The following STYXL1 variants were observed in gnomAD, a reference collection of about 807,000 sequenced individuals.
STYXL1 encodes the protein serine/threonine/tyrosine-interacting-like protein 1.
In STYXL1, 32 loss-of-function variants were observed where a neutral mutation model predicts 36.4. The ratio of observed to expected loss-of-function variants is 0.88; its 90% CI spans 0.66 to 1.18. The LOEUF (loss-of-function observed/expected upper bound fraction) is 1.18. Among genes scored for constraint, STYXL1 ranks in the 50% most tolerant of loss-of-function variants. The pLI is 0.00. For missense variants in STYXL1, 354 were observed against 394.1 expected (o/e 0.90, Z 0.86); for synonymous variants, 133 against 144.1 (o/e 0.92, Z 0.55).
At chr7:76,021,371 G>A (rs534820734) in intron 4 of STYXL1, among the ~76,000 whole-genome samples, 9 of 152,184 alleles carry the variant, frequency 5.9e-5, no homozygotes, top group South Asian at 2.1e-4. Flanking sequence ...ATGAGCCACC[G>A]CGCCCGGCCA....
At chr7:76,036,604 T>TTTGA (rs1585328866) in intron 1 of STYXL1, among the ~76,000 whole-genome samples, 2 of 149,194 alleles carry the variant, frequency 1.3e-5, no homozygotes, top group African/African-American at 4.9e-5. Context: ...CACTTTCAAT[T>TTTGA]TTGATTAAAT....
In STYXL1 at chr7:76,029,637, A is replaced by G. The variant is rs1361594613; in HGVS notation, c.103+784T>C. Among the ~76,000 whole-genome samples the G allele has an allele frequency of 2.0e-5, 3 of 152,264 alleles. No homozygotes were observed. The East Asian group carries it at 5.8e-4, about 29-fold the overall frequency. ...TTGTAATATATAATGAAATAATTCT[A>G]CCATCATGTAGAATCAGTGGAAACC... On this transcript the variant is annotated intron_variant, in intron 2 of 8. Transcript: ENST00000359697.
At position 76,036,597 on chromosome 7, in the gene STYXL1, T is replaced by G. The variant is rs187844987; in HGVS notation, c.-4-6070A>C. Among the ~76,000 whole-genome samples the G allele has an allele frequency of 1.2e-3, 176 of 149,726 alleles. 7 individuals are homozygous for G. Among genetic ancestry groups the G allele is most frequent in the African/African-American group, 4.1e-3 (170 of 41,068 alleles). Reference sequence around the variant, plus strand: ...ATTAGCCAGTTTCAATTTTTTTCACTTTCAATTTTGATTAAATTTATTTAT... The same window carrying G: ...ATTAGCCAGTTTCAATTTTTTTCACGTTCAATTTTGATTAAATTTATTTAT... On this transcript the variant is annotated intron_variant, in intron 1 of 8. Coordinates refer to ENST00000359697, the MANE Select transcript of STYXL1 (RefSeq NM_001317785.2).
At chr7:76,040,594 TTTGGGA>T (rs1796383858) in intron 1 of STYXL1, among the ~76,000 whole-genome samples, 1 of 152,166 alleles carries the variant, frequency 6.6e-6, no homozygotes, top group African/African-American at 2.4e-5. Flanking sequence ...ATCCCAGCGC[TTTGGGA>T]GACCGAGGCA....
chr7:76,034,174 C>T (rs1243095508), intron 1 of STYXL1, among the ~76,000 whole-genome samples: 1 of 152,190 alleles, frequency 6.6e-6, no homozygotes, highest in Non-Finnish European at 1.5e-5. Context: ...ACTATCATAG[C>T]TTGCTGCAGC....
In STYXL1 at chr7:76,013,735, G is replaced by A. The variant is rs782079568; in HGVS notation, c.453+7C>T. 3.1e-6 allele frequency: 5 copies of A among 1,613,776 alleles called. No individual in the cohort carries two copies. The South Asian group carries it at 5.5e-5, about 18-fold the overall frequency. On this transcript the variant is annotated splice_region_variant and intron_variant, in intron 5 of 8. Transcript: ENST00000359697. Reference sequence around the variant, plus strand: ...TGGGCCTGCCTGTGCTCAGCATTTGGCCCTACCTGAGGCATCCAGATGATC... The same window carrying A: ...TGGGCCTGCCTGTGCTCAGCATTTGACCCTACCTGAGGCATCCAGATGATC...
intron 8 of STYXL1, among the ~76,000 whole-genome samples, chr7:75,999,551 G>GTGTGTGTATA (rs1421403301): frequency 1.9e-4 from 15 of 80,130 alleles, no homozygotes; most frequent in South Asian, 4.0e-4. Flanking sequence ...GTGTGTGTGT[G>GTGTGTGTATA]TATATTTTTT....
Position 76,013,418 on chromosome 7 carries a change from T to G in STYXL1, c.453+324A>C, listed in dbSNP as rs560150597. 6.6e-5 allele frequency among the ~76,000 whole-genome samples: 10 copies of G among 151,334 alleles called. No homozygotes were observed. The East Asian group carries it at 1.6e-3, about 24-fold the overall frequency. On this transcript the variant is annotated intron_variant, in intron 5 of 8. Transcript: ENST00000359697. ...AGGAGTCCAGATCTAGTTTTTTTTTTGTTTGTTTTTGTTTTTGTTTTTGTT... is the reference window on the plus strand; with the variant it reads ...AGGAGTCCAGATCTAGTTTTTTTTTGGTTTGTTTTTGTTTTTGTTTTTGTT...
chr7:76,014,354 T>G (rs1191452619), intron 4 of STYXL1, among the ~76,000 whole-genome samples: 1 of 150,126 alleles, frequency 6.7e-6, no homozygotes, highest in East Asian at 2.0e-4. Context: ...TACCACCGGG[T>G]TTTTTTTGTT....
chr7:76,019,298 T>A (rs1276974979), intron 4 of STYXL1, among the ~76,000 whole-genome samples: 46 of 148,910 alleles, frequency 3.1e-4, no homozygotes, highest in East Asian at 3.9e-4. Context: ...TTTTTTTTTT[T>A]AAATACGTTT....
intron 2 of STYXL1, among the ~76,000 whole-genome samples, chr7:76,028,988 G>T (rs942782000): frequency 9.9e-5 from 15 of 151,976 alleles, no homozygotes; most frequent in Non-Finnish European, 1.6e-4. Flanking sequence ...GCCGGGCGTG[G>T]TGGCAGCGCC....
At chr7:76,030,259 C>T (rs1015529547) in intron 2 of STYXL1, among the ~76,000 whole-genome samples, 162 bp downstream of exon 2, 1 of 152,110 alleles carries the variant, frequency 6.6e-6, no homozygotes, top group South Asian at 2.1e-4. Flanking sequence ...TTGGCCTTCC[C>T]AAGTGCTGGG....
At chr7:76,012,636 C>G (rs1792692399) in intron 5 of STYXL1, among the ~76,000 whole-genome samples, 2 of 152,218 alleles carry the variant, frequency 1.3e-5, no homozygotes, top group African/African-American at 4.8e-5. Context: ...CTCAAGTGAT[C>G]CATCCAGCTT....
chr7:76,028,653 G>C lies in STYXL1; in HGVS notation c.154C>G (p.Arg52Gly), dbSNP rs200576891. ...CGCTGCCCATGTACCTTCTTCACTC[G>C]AAGGGCAGTGATCACATGGCTTTCG... ...YDESHVITAL[R>G]VKKKNNEYLL... is the part of the protein sequence containing the mutation. The change falls in exon 3 of 9, where the codon CGA (arginine) becomes GGA (glycine). Residue 52 changes from arginine (R) to glycine (G), a missense_variant. Arg to Gly is a moderately radical substitution (Grantham distance 125, BLOSUM62 -2). Coordinates refer to ENST00000359697, the MANE Select transcript of STYXL1 (RefSeq NM_001317785.2). The C allele has an allele frequency of 6.2e-7, 1 of 1,613,926 alleles. No homozygotes were observed. The highest frequency in any genetic ancestry group is 8.5e-7 in the Non-Finnish European group (1 of 1,179,964).
At chr7:76,028,349 A>T (rs1251960089) in intron 3 of STYXL1, among the ~76,000 whole-genome samples, 2 of 152,112 alleles carry the variant, frequency 1.3e-5, no homozygotes, top group Non-Finnish European at 2.9e-5. Context: ...CAGGAGTTTA[A>T]GGCCGCAGTG....
At chr7:76,026,751 A>G (rs1412333848) in intron 3 of STYXL1, among the ~76,000 whole-genome samples, 1 of 152,256 alleles carries the variant, frequency 6.6e-6, no homozygotes, top group Non-Finnish European at 1.5e-5. Flanking sequence ...AAGGTGAACC[A>G]AAGAGATAGA....
chr7:76,000,158 C>G (rs1554566285), intron 8 of STYXL1, among the ~76,000 whole-genome samples: 1 of 148,816 alleles, frequency 6.7e-6, no homozygotes, highest in African/African-American at 2.5e-5. Flanking sequence ...TCGCTTGAAC[C>G]CAGGAGGTGG....
chr7:76,005,885 G>GAGGAGGAGA lies in STYXL1; in HGVS notation c.454-482_454-481insTCTCCTCCT, dbSNP rs1791671979. On this transcript the variant is annotated intron_variant, in intron 5 of 8. Transcript: ENST00000359697. ...GAGGAGGAAGAGAGAGGAGGAGAGA[G>GAGGAGGAGA]GAGGAGGAGGAGGAGAGAGGAGGAG... 1.1e-4 allele frequency among the ~76,000 whole-genome samples: 13 copies of GAGGAGGAGA among 116,180 alleles called. 1 individual carries two copies. Among genetic ancestry groups the GAGGAGGAGA allele is most frequent in the Admixed American group, 6.5e-4 (8 of 12,292 alleles). 76.2% of individuals were successfully genotyped at this position (116,180 alleles called of 152,430 possible). A position where few individuals can be genotyped will look rare whatever the true frequency, so the allele number is the denominator to read the frequency against.
intron 3 of STYXL1, among the ~76,000 whole-genome samples, chr7:76,025,950 T>C (rs1302678680): frequency 2.0e-5 from 3 of 151,508 alleles, no homozygotes; most frequent in Middle Eastern, 3.4e-3. Flanking sequence ...TCCAGCACTT[T>C]GGGAGGCTGA....
Sources: allele counts gnomAD v4.1 joint callset (sites outside exome capture counted in the v4.1 genomes callset), GRCh38; gene constraint gnomAD v4.1.1; transcripts MANE v1.5; gene names NCBI Gene and HGNC (gene_info 2026-07-23, HGNC 2026-07-21).